TENM1: variants seen among roughly 807,000 people sequenced by gnomAD.
The protein encoded by TENM1 is teneurin-1.
Under a neutral mutation model 174.8 loss-of-function variants are expected in TENM1, and 35 were observed. The observed-to-expected ratio is 0.20, with a 90% CI of 0.15 to 0.27. TENM1 has a LOEUF of 0.27. Among genes scored for constraint, TENM1 ranks in the 10% least tolerant of loss-of-function variants. TENM1 has a pLI of 1.00. For synonymous variants in TENM1, 781 were observed against 798.7 expected, an observed-to-expected ratio of 0.98 and a Z score of 0.37; for missense variants, 1,633 against 2,130.1, an observed-to-expected ratio of 0.77 and a Z score of 4.59.
intron 22 of TENM1, among the ~76,000 whole-genome samples, chrX:124,456,306 T>A (rs907140439): frequency 8.9e-6 from 1 of 112,260 alleles, no homozygotes; most frequent in Non-Finnish European, 1.9e-5. Context: ...TACACTTATG[T>A]TTGGAGTTGA....
chrX:124,887,841 A>G (rs909321234), intron 3 of TENM1, among the ~76,000 whole-genome samples: 4 of 111,230 alleles, frequency 3.6e-5, no homozygotes, highest in Non-Finnish European at 7.5e-5. Flanking sequence ...TGCTGAAGCT[A>G]TTACCAAGTC....
At chrX:125,010,517 G>GAA in the TENM1 span, among the ~76,000 whole-genome samples, 1 of 96,704 alleles carries the variant, frequency 1.0e-5, no homozygotes. Flanking sequence ...CACAGAATTA[G>GAA]AAAAAAAAAA....
the TENM1 span, among the ~76,000 whole-genome samples, chrX:125,173,243 T>C: frequency 4.5e-5 from 5 of 111,819 alleles, no homozygotes; most frequent in Admixed American, 2.9e-4. Flanking sequence ...ACGAGAAATA[T>C]AATTTAGTAT....
intron 22 of TENM1, among the ~76,000 whole-genome samples, chrX:124,460,695 C>T (rs185500005): frequency 1.2e-4 from 13 of 105,684 alleles, no homozygotes; most frequent in Middle Eastern, 5.0e-3. Flanking sequence ...TGTTTACCTA[C>T]GTAATAAACC....
At chrX:124,864,189 C>T (rs778370346) in intron 3 of TENM1, among the ~76,000 whole-genome samples, 4 of 111,872 alleles carry the variant, frequency 3.6e-5, no homozygotes, top group Admixed American at 9.5e-5. Flanking sequence ...GCCCAGACAA[C>T]GAAGAATATT....
At chrX:124,510,568 C>T (rs1036087899) in intron 18 of TENM1, among the ~76,000 whole-genome samples, 1 of 111,459 alleles carries the variant, frequency 9.0e-6, no homozygotes, top group African/African-American at 3.3e-5. Flanking sequence ...CTCCGTAGTC[C>T]CCTCTGATAT....
At chrX:124,502,159 T>G (rs1351645702) in intron 19 of TENM1, among the ~76,000 whole-genome samples, 1 of 112,382 alleles carries the variant, frequency 8.9e-6, no homozygotes, top group African/African-American at 3.2e-5. Flanking sequence ...ACATTTATAA[T>G]GGGTAAATTT....
chrX:124,776,715 G>A (rs2054793433), intron 3 of TENM1, among the ~76,000 whole-genome samples: 1 of 111,178 alleles, frequency 9.0e-6, no homozygotes, highest in Non-Finnish European at 1.9e-5. Context: ...AGAAGTGGGA[G>A]ATAGCAAAAA....
intron 3 of TENM1, among the ~76,000 whole-genome samples, chrX:124,842,524 T>A (rs1465333611): frequency 6.3e-5 from 7 of 111,410 alleles, no homozygotes; most frequent in Admixed American, 9.5e-5. Flanking sequence ...ATAACAGACA[T>A]TTACTTTCTC....
intron 1 of TENM1, among the ~76,000 whole-genome samples, chrX:124,914,015 T>A (rs944679893): frequency 4.5e-5 from 5 of 111,856 alleles, no homozygotes; most frequent in Non-Finnish European, 9.4e-5. Context: ...GGAAACTGAC[T>A]CTGAAGGGTT....
At chrX:124,416,784 C>A (rs1033361490) in intron 25 of TENM1, among the ~76,000 whole-genome samples, 10 of 111,816 alleles carry the variant, frequency 8.9e-5, no homozygotes, top group African/African-American at 2.0e-4. Flanking sequence ...GACTGAACTG[C>A]CGATGTGATA....
the TENM1 span, among the ~76,000 whole-genome samples, chrX:125,000,724 G>A: frequency 5.4e-5 from 6 of 111,070 alleles, no homozygotes; most frequent in African/African-American, 2.0e-4. Context: ...CAACCAACTG[G>A]CTTTTTTTCT....
At chrX:125,039,011 G>A in the TENM1 span, among the ~76,000 whole-genome samples, 12 of 111,586 alleles carry the variant, frequency 1.1e-4, no homozygotes, top group Non-Finnish European at 1.5e-4. Context: ...GAATTCAAGC[G>A]ACTTTCTGAA....
chrX:124,481,702 T>TATATATATATATAC, intron 22 of TENM1, 30 bp downstream of exon 25: 1 of 354,870 alleles, frequency 2.8e-6, no homozygotes. Context: ...AGGGTATATA[T>TATATATATATATAC]ATATATATAT....
chrX:124,862,980 T>C (rs1271722252), intron 3 of TENM1, among the ~76,000 whole-genome samples: 1 of 108,497 alleles, frequency 9.2e-6, no homozygotes, highest in Non-Finnish European at 1.9e-5. Flanking sequence ...GAGGCCCCTG[T>C]TCCAGGCCCT....
chrX:124,987,701 TTGTG>T, the TENM1 span, among the ~76,000 whole-genome samples: 2,448 of 91,321 alleles, frequency 0.027, 42 homozygotes, highest in African/African-American at 0.051. Context: ...GTTCTGCATT[TTGTG>T]TGTGTGTGTG....
chrX:124,538,114 G>A (rs1201746530), intron 15 of TENM1, among the ~76,000 whole-genome samples: 1 of 112,113 alleles, frequency 8.9e-6, no homozygotes, highest in Non-Finnish European at 1.9e-5. Context: ...GAGACAGTCA[G>A]CACTATAAAT....
the TENM1 span, among the ~76,000 whole-genome samples, chrX:125,003,424 G>A: frequency 6.3e-5 from 7 of 111,604 alleles, no homozygotes; most frequent in Admixed American, 1.9e-4. Flanking sequence ...AATTTCCACC[G>A]GTATAGAAAT....
chrX:124,727,957 A>G (rs891706567), intron 4 of TENM1, among the ~76,000 whole-genome samples: 2 of 111,633 alleles, frequency 1.8e-5, no homozygotes, highest in African/African-American at 3.2e-5. Context: ...ACTCAGTTCT[A>G]TTGTTTTCTT....
Sources: gnomAD v4.1 joint callset for allele counts (sites outside exome capture counted in the v4.1 genomes callset) on GRCh38, gnomAD v4.1.1 for gene constraint, MANE v1.5 for transcripts, NCBI Gene and HGNC (gene_info 2026-07-23, HGNC 2026-07-21) for gene names.